Variants in TPCN1 observed in about 807,000 individuals in gnomAD.
TPCN1 encodes two pore segment channel 1.
A neutral mutation model predicts 108.8 loss-of-function variants in TPCN1; 52 were observed. The observed-to-expected ratio is 0.48, with a 90% CI of 0.38 to 0.60. The LOEUF (loss-of-function observed/expected upper bound fraction) is 0.60. Ranked by LOEUF, TPCN1 falls within the 20% of genes least tolerant of loss-of-function variation. The pLI is 0.00. For missense variants in TPCN1, 806 were observed against 1,072.8 expected, an observed-to-expected ratio of 0.75 and a Z score of 3.47; for synonymous variants, 446 against 433.7, an observed-to-expected ratio of 1.03 and a Z score of -0.35.
intron 11 of TPCN1, 57 bp from the exon 12 acceptor site, chr12:113,277,183 G>A (rs571756416): frequency 7.5e-6 from 12 of 1,609,246 alleles, no homozygotes; most frequent in Middle Eastern, 3.4e-4. Flanking sequence ...TCTGGAGTGG[G>A]TGCCCCAAGG....
chr12:113,254,180 T>C (rs1182268733), intron 2 of TPCN1, among the ~76,000 whole-genome samples: 1 of 152,246 alleles, frequency 6.6e-6, no homozygotes, highest in East Asian at 1.9e-4. Context: ...AGAAGGTTAA[T>C]ATGTAATAAA....
rs909119079 is a variant in TPCN1 at position 113,231,892 on chromosome 12, A to G, written c.112+4928A>G. On this transcript the variant is annotated intron_variant, in intron 2 of 27. Coordinates refer to ENST00000335509, the MANE Select transcript of TPCN1 (RefSeq NM_017901.6). The surrounding 1 kb of genome is among the most constrained non-coding windows in gnomAD (Gnocchi z 4.3). ...TGTTAGAGCAGTGTAGAGACAGACCACAGTCCACACCGCGTGACAGGCGGT... is the reference window on the plus strand; with the variant it reads ...TGTTAGAGCAGTGTAGAGACAGACCGCAGTCCACACCGCGTGACAGGCGGT... Among the ~76,000 whole-genome samples the G allele has an allele frequency of 2.0e-5, 3 of 152,204 alleles. No individual in the cohort carries two copies. The highest frequency in any genetic ancestry group is 2.0e-4 in the Admixed American group (3 of 15,280).
intron 2 of TPCN1, among the ~76,000 whole-genome samples, chr12:113,250,974 G>A (rs1386268956): frequency 1.3e-5 from 2 of 149,734 alleles, no homozygotes. Context: ...AAAAAAAAAA[G>A]AAAAAATACA....
Position 113,291,856 on chromosome 12 carries a change from C to T in TPCN1, c.2029-18C>T, listed in dbSNP as rs1182934099. ...CCTCCTCCCCTGCCTCTGCCCCTCC[C>T]TCCCTATCCCTGGCCAGGTGGTGAT... On this transcript the variant is annotated intron_variant, in intron 24 of 27. Coordinates refer to ENST00000335509, the MANE Select transcript of TPCN1 (RefSeq NM_017901.6). 4 of 1,610,376 alleles carry T rather than the reference C, an allele frequency of 2.5e-6. No individual in the cohort carries two copies. Among genetic ancestry groups the T allele is most frequent in the African/African-American group, 1.3e-5 (1 of 74,856 alleles).
intron 10 of TPCN1, among the ~76,000 whole-genome samples, chr12:113,275,268 C>T (rs144576497): frequency 0.017 from 2,648 of 152,250 alleles, 57 homozygotes; most frequent in African/African-American, 0.059. Context: ...GATGGAGTCT[C>T]GCTCTGTCAC....
At position 113,252,751 on chromosome 12, in the gene TPCN1, G is replaced by A. The variant is rs188289898; in HGVS notation, c.113-7617G>A. 7.9e-5 allele frequency among the ~76,000 whole-genome samples: 12 copies of A among 152,334 alleles called. No individual in the cohort carries two copies. In the East Asian group the frequency reaches 2.3e-3, roughly 29 times the overall value. ...GTGGCTTTTTCTGCTCAGGAGTCAC[G>A]TTTTGGCTCAGGCTTCCCTGATCCA... On this transcript the variant is annotated intron_variant, in intron 2 of 27. Transcript: ENST00000335509.
chr12:113,283,974 T>C (rs537115251), intron 15 of TPCN1, among the ~76,000 whole-genome samples: 7 of 152,354 alleles, frequency 4.6e-5, no homozygotes, highest in Admixed American at 1.3e-4. Context: ...GTACCTAGCC[T>C]GTGTTTCTTT....
At chr12:113,222,810 C>G (rs1167931923) in intron 1 of TPCN1, among the ~76,000 whole-genome samples, 2 of 152,066 alleles carry the variant, frequency 1.3e-5, no homozygotes, top group African/African-American at 4.8e-5. Flanking sequence ...AAAGGTTGGA[C>G]AGCCGTGAGT....
chr12:113,285,550 A>G (rs1187954210), intron 17 of TPCN1, among the ~76,000 whole-genome samples: 1 of 152,054 alleles, frequency 6.6e-6, no homozygotes, highest in Non-Finnish European at 1.5e-5. Context: ...TAATTTTTGT[A>G]TTTTTTGTAA....
intron 10 of TPCN1, 64 bp from the exon 11 acceptor site, chr12:113,276,855 C>A: frequency 6.4e-6 from 7 of 1,100,026 alleles, no homozygotes; most frequent in Non-Finnish European, 9.7e-6. Flanking sequence ...ACTCATACCC[C>A]CCTGCACTCC....
At chr12:113,229,832 G>A (rs994998698) in intron 2 of TPCN1, among the ~76,000 whole-genome samples, 2 of 152,168 alleles carry the variant, frequency 1.3e-5, no homozygotes, top group South Asian at 2.1e-4. Flanking sequence ...CCTGGTTGTT[G>A]CCTTGTTTTA....
At chr12:113,263,006 T>C (rs886568376) in intron 3 of TPCN1, among the ~76,000 whole-genome samples, 2 of 152,190 alleles carry the variant, frequency 1.3e-5, no homozygotes, top group Non-Finnish European at 2.9e-5. Flanking sequence ...AAAGCAGTTA[T>C]GGAACAGCTG....
intron 2 of TPCN1, among the ~76,000 whole-genome samples, chr12:113,251,152 T>A (rs1468428877): frequency 1.3e-5 from 2 of 148,398 alleles, no homozygotes; most frequent in African/African-American, 5.0e-5. Flanking sequence ...AAAAAAAAAA[T>A]TAGCTGGGCA....
chr12:113,292,918 C>T lies in TPCN1; in HGVS notation c.2114-16C>T. The T allele has an allele frequency of 6.2e-7, 1 of 1,608,050 alleles. No homozygotes were observed. The highest frequency in any genetic ancestry group is 8.5e-7 in the Non-Finnish European group (1 of 1,177,734). ...CAGCCCCGGGCCCTTCCCACACCTG[C>T]CTTCCATCCCTGCAGTTGATGGTGG... On this transcript the variant is annotated splice_polypyrimidine_tract_variant and intron_variant, in intron 25 of 27. Coordinates refer to ENST00000335509, the MANE Select transcript of TPCN1 (RefSeq NM_017901.6).
intron 2 of TPCN1, among the ~76,000 whole-genome samples, chr12:113,230,235 T>TA (rs1357927680): frequency 6.6e-6 from 1 of 151,700 alleles, no homozygotes; most frequent in Non-Finnish European, 1.5e-5. Flanking sequence ...GTGGGGTAAT[T>TA]ACACATTTAA....
chr12:113,240,501 G>A (rs1954068261), intron 2 of TPCN1, among the ~76,000 whole-genome samples: 1 of 152,198 alleles, frequency 6.6e-6, no homozygotes, highest in Admixed American at 6.5e-5. Flanking sequence ...TGTAAAATCA[G>A]TATATGATTG....
chr12:113,296,127 C>A lies in TPCN1; in HGVS notation c.*51C>A. Reference sequence around the variant, plus strand: ...TATGCAATAACACAATAGTATTACTCTACTGCGATGTACGGAACTGCGGTG... The same window carrying A: ...TATGCAATAACACAATAGTATTACTATACTGCGATGTACGGAACTGCGGTG... On this transcript the variant is annotated 3_prime_UTR_variant, in exon 28 of 28. Transcript: ENST00000335509. The A allele has an allele frequency of 1.3e-6, 2 of 1,595,406 alleles. No homozygotes were observed. The highest frequency in any genetic ancestry group is 1.7e-6 in the Non-Finnish European group (2 of 1,166,406).
Position 113,277,028 on chromosome 12 carries a change from G to T in TPCN1, c.1052G>T (p.Ser351Ile), listed in dbSNP as rs778082562. Reference protein sequence around the residue: ...AIQHAYRLLISQRRPAGISYR... With the variant: ...AIQHAYRLLIIQRRPAGISYR... The stretch of plus-strand genomic sequence containing the variant: ...CAGCATGCCTACCGCCTGCTCATCA[G>T]CCAGAGGGTAGGAACTATGGGCCAG... Residue 351 changes from serine (S) to isoleucine (I), a missense_variant, in exon 11 of 28, where the codon AGC (serine) becomes ATC (isoleucine). Coordinates refer to ENST00000335509, the MANE Select transcript of TPCN1 (RefSeq NM_017901.6). 65 of 1,613,284 alleles carry T rather than the reference G, an allele frequency of 4.0e-5. No homozygotes were observed. The highest frequency in any genetic ancestry group is 5.3e-5 in the Non-Finnish European group (62 of 1,179,548).
chr12:113,251,001 A>G (rs1326555902), intron 2 of TPCN1, among the ~76,000 whole-genome samples: 1 of 150,140 alleles, frequency 6.7e-6, no homozygotes, highest in Non-Finnish European at 1.5e-5. Flanking sequence ...TTAAAAAATA[A>G]AAATAGAAGA....
Sources: gnomAD v4.1 joint callset for allele counts (sites outside exome capture counted in the v4.1 genomes callset) on GRCh38, gnomAD v4.1.1 for gene constraint, Gnocchi (gnomAD v3.1) non-coding constraint, MANE v1.5 for transcripts, NCBI Gene and HGNC (gene_info 2026-07-23, HGNC 2026-07-21) for gene names.